REL: variants seen among roughly 807,000 people sequenced by gnomAD.
The protein encoded by REL is REL proto-oncogene, NF-kB subunit.
A neutral mutation model predicts 45.9 loss-of-function variants in REL; 15 were observed. The observed-to-expected ratio is 0.33, with a 90% CI of 0.22 to 0.50. The LOEUF (loss-of-function observed/expected upper bound fraction) is 0.50. REL is among the 20% of genes least tolerant of loss of function. The probability of loss-of-function intolerance (pLI) is 0.98; values close to 1 mark genes in which losing one functional copy is unlikely to be tolerated. For synonymous variants in REL, 239 were observed against 242.1 expected, an observed-to-expected ratio of 0.99 and a Z score of 0.12; for missense variants, 601 against 715.2, an observed-to-expected ratio of 0.84 and a Z score of 1.82.
At chr2:60,892,721 C>T (rs1476238265) in intron 2 of REL, among the ~76,000 whole-genome samples, 1 of 151,536 alleles carries the variant, frequency 6.6e-6, no homozygotes, top group Non-Finnish European at 1.5e-5. Context: ...TGAGCCACTG[C>T]GTCCAGCCAA....
rs1463119271 is a variant in REL, at chr2:60,901,043, T to A, written c.354T>A (p.Ala118=). 6.2e-7 allele frequency: 1 copy of A among 1,609,700 alleles called. No individual in the cohort carries two copies. Among genetic ancestry groups the A allele is most frequent in the East Asian group, 2.2e-5 (1 of 44,534 alleles). Reference sequence around the variant, plus strand: ...TGAAGAAAAAAGAAGTAAAAGAAGCTATTATTACAAGAATAAAGGCAGGAA... The same window carrying A: ...TGAAGAAAAAAGAAGTAAAAGAAGCAATTATTACAAGAATAAAGGCAGGAA... ...RCVKKKEVKE[A]IITRIKAGIN... The change falls in exon 4 of 10, where the codon GCT becomes GCA. Residue 118 remains alanine, a synonymous_variant. Coordinates refer to ENST00000394479, the MANE Select transcript of REL (RefSeq NM_001291746.2).
chr2:60,906,326 C>T (rs904381598), intron 4 of REL, among the ~76,000 whole-genome samples: 3 of 152,100 alleles, frequency 2.0e-5, no homozygotes, highest in Admixed American at 6.6e-5. Context: ...TTTCCTTTCC[C>T]TTCTTTTTCT....
chr2:60,918,680 CATTT>C, intron 7 of REL, 74 bp downstream of exon 7: 1 of 1,005,034 alleles, frequency 9.9e-7, no homozygotes, highest in South Asian at 1.3e-5. Context: ...TTGTAATATT[CATTT>C]GAGTACAGTT....
chr2:60,891,056 G>T (rs1227062056), intron 1 of REL, among the ~76,000 whole-genome samples: 1 of 152,140 alleles, frequency 6.6e-6, no homozygotes, highest in African/African-American at 2.4e-5. Context: ...CTTTAGAAAA[G>T]GTTTGCATGG....
chr2:60,902,337 C>T (rs931911046), intron 4 of REL, among the ~76,000 whole-genome samples: 3 of 152,078 alleles, frequency 2.0e-5, no homozygotes, highest in Admixed American at 1.3e-4. Context: ...CACCTTCTTC[C>T]CTTCCAGTCT....
Position 60,916,882 on chromosome 2 carries a change from G to A in REL, c.400G>A (p.Glu134Lys), listed in dbSNP as rs1317515438. 1 of 1,611,080 alleles carries A rather than the reference G, an allele frequency of 6.2e-7. No individual in the cohort carries two copies. The highest frequency in any genetic ancestry group is 8.5e-7 in the Non-Finnish European group (1 of 1,178,822). The change falls in exon 5 of 10, where the codon GAA becomes AAA. Residue 134 changes from glutamate to lysine, a missense_variant. Glu to Lys is a moderately conservative substitution (Grantham distance 56). This residue lies in a region of REL where 241 missense variants were observed against 347.0 expected (regional missense o/e 0.69). Transcript: ENST00000394479. ...KAGINPFNVP[E>K]KQLNDIEDCD... is the part of the protein sequence containing the mutation. ...AATTTTTTTTTTCTATTCAGTCCCTGAAAAACAGCTGAATGATATTGAAGA... is the reference window on the plus strand; with the variant it reads ...AATTTTTTTTTTCTATTCAGTCCCTAAAAAACAGCTGAATGATATTGAAGA...
At position 60,931,575 on chromosome 2, in the gene REL, A is replaced by AT. The variant is rs575640376; in HGVS notation, c.*9047dup. The AT allele has an allele frequency of 1.1e-3, 170 of 152,244 alleles. No individual in the cohort carries two copies. Among genetic ancestry groups the AT allele is most frequent in the African/African-American group, 2.3e-3 (95 of 41,532 alleles). 9.4% of individuals were successfully genotyped at this position (152,244 alleles called of 1,614,324 possible). ...ATTTGCAATATCTTTGTATATAGTG[A>AT]TTTTTTTCTTGATAATAAATGGAAA... On this transcript the variant is annotated 3_prime_UTR_variant, in exon 10 of 10. Transcript: ENST00000394479.
chr2:60,887,517 A>G (rs1350973301), intron 1 of REL, among the ~76,000 whole-genome samples: 1 of 152,008 alleles, frequency 6.6e-6, no homozygotes, highest in East Asian at 1.9e-4. Context: ...GCTTGAAGAA[A>G]TAAAACAAGT....
rs989824067 is a variant in REL at position 60,881,624 on chromosome 2, G to A, written c.-217G>A. The A allele has an allele frequency of 1.7e-4, 90 of 521,248 alleles. 2 individuals are homozygous for A. The South Asian group carries it at 2.0e-3, about 12-fold the overall frequency. 32.3% of individuals were successfully genotyped at this position (521,248 alleles called of 1,614,324 possible). A position where few individuals can be genotyped will look rare whatever the true frequency, so the allele number is the denominator to read the frequency against. On this transcript the variant is annotated 5_prime_UTR_variant, in exon 1 of 10. Transcript: ENST00000394479. ...TGCCCCTGGCTCCCGTACGGTGGAC[G>A]GCGACGCTGGGTGACCCGGGGTGCA...
At chr2:60,919,617 G>T (rs562519764) in intron 7 of REL, among the ~76,000 whole-genome samples, 2 of 151,944 alleles carry the variant, frequency 1.3e-5, no homozygotes, top group African/African-American at 2.4e-5. Flanking sequence ...TAGAGATGGG[G>T]TTTCACCATG....
intron 1 of REL, among the ~76,000 whole-genome samples, chr2:60,889,454 CA>C (rs761468582): frequency 2.8e-4 from 43 of 151,932 alleles, no homozygotes; most frequent in Non-Finnish European, 4.7e-4. Context: ...TAATAGACAC[CA>C]TTTTTTTTTA....
At chr2:60,911,597 A>G (rs1442322379) in intron 4 of REL, among the ~76,000 whole-genome samples, 2 of 152,206 alleles carry the variant, frequency 1.3e-5, no homozygotes, top group East Asian at 3.8e-4. Flanking sequence ...AATCAAAGAA[A>G]TGATAAGATT....
In REL at chr2:60,925,695, GAT is replaced by G. The variant is rs1491512221; in HGVS notation, c.*3161_*3162del. On this transcript the variant is annotated 3_prime_UTR_variant, in exon 10 of 10. Transcript: ENST00000394479. ...GATGATGATGGATGATAGGTGGGGA[GAT>G]TTTTTTTTTTTTTAATACAGAATCT... 7.3e-6 allele frequency: 1 copy of G among 136,774 alleles called. No homozygotes were observed. Among genetic ancestry groups the G allele is most frequent in the African/African-American group, 3.6e-5 (1 of 27,978 alleles). 8.5% of individuals were successfully genotyped at this position (136,774 alleles called of 1,614,324 possible).
rs527378932 is a variant in REL at position 60,916,858 on chromosome 2, A to ATTTT, written c.395-12_395-9dup. On this transcript the variant is annotated intron_variant, in intron 4 of 9. Coordinates refer to ENST00000394479, the MANE Select transcript of REL (RefSeq NM_001291746.2). Reference sequence around the variant, plus strand: ...TCTATGTGACTATTACATTTAAAAAATTTTTTTTTTCTATTCAGTCCCTGA... The same window carrying ATTTT: ...TCTATGTGACTATTACATTTAAAAAATTTTTTTTTTTTTTCTATTCAGTCCCTGA... The ATTTT allele has an allele frequency of 2.0e-6, 3 of 1,521,836 alleles. No individual in the cohort carries two copies. Among genetic ancestry groups the ATTTT allele is most frequent in the South Asian group, 2.4e-5 (2 of 84,428 alleles). 94.3% of individuals were successfully genotyped at this position (1,521,836 alleles called of 1,614,324 possible).
intron 4 of REL, among the ~76,000 whole-genome samples, chr2:60,904,324 C>G (rs1196690000): frequency 2.0e-5 from 3 of 151,842 alleles, no homozygotes; most frequent in Non-Finnish European, 4.4e-5. Context: ...TTCGCTTGAA[C>G]CCAGGAGGTG....
chr2:60,915,022 G>C (rs543464326), intron 4 of REL, among the ~76,000 whole-genome samples: 1 of 150,910 alleles, frequency 6.6e-6, no homozygotes, highest in Non-Finnish European at 1.5e-5. Flanking sequence ...TAGTAGAGGC[G>C]GGGTTTCACC....
Position 60,922,906 on chromosome 2 carries a change from T to C in REL, c.*371T>C, listed in dbSNP as rs1443573126. ...TAAAAATACAAAAATTAGCTGAGCA[T>C]GGTGGTACGTGCCTGTACTGTCAGC... On this transcript the variant is annotated 3_prime_UTR_variant, in exon 10 of 10. Transcript: ENST00000394479. 4 of 181,682 alleles carry C rather than the reference T, an allele frequency of 2.2e-5. No individual in the cohort carries two copies. Among genetic ancestry groups the C allele is most frequent in the African/African-American group, 9.6e-5 (4 of 41,870 alleles). The allele number at this position is 181,682 out of a possible 1,614,324, so 11.3% of individuals were successfully genotyped here. A position where few individuals can be genotyped will look rare whatever the true frequency, so the allele number is the denominator to read the frequency against.
At chr2:60,898,472 C>T (rs1046897146) in intron 3 of REL, among the ~76,000 whole-genome samples, 1 of 152,158 alleles carries the variant, frequency 6.6e-6, no homozygotes, top group Non-Finnish European at 1.5e-5. Context: ...GTTCCTTTTG[C>T]CTGGAAGTGT....
rs1674230709 is a variant in REL at position 60,924,785 on chromosome 2, G to A, written c.*2250G>A. The A allele has an allele frequency of 4.8e-6, 1 of 206,618 alleles. No homozygotes were observed. 12.8% of individuals were successfully genotyped at this position (206,618 alleles called of 1,614,324 possible). On this transcript the variant is annotated 3_prime_UTR_variant, in exon 10 of 10. Transcript: ENST00000394479. ...GACTTGTCACATATTCATTTGGCTG[G>A]TTTCAAATGGTGAGCTGAATGCTGG...
Sources: gnomAD v4.1 joint callset for allele counts (sites outside exome capture counted in the v4.1 genomes callset) on GRCh38, gnomAD v4.1.1 for gene constraint, gnomAD v4.1.1 regional missense constraint, MANE v1.5 for transcripts, NCBI Gene and HGNC (gene_info 2026-07-23, HGNC 2026-07-21) for gene names.